ITGBL1: variants seen among roughly 807,000 people sequenced by gnomAD.
The protein encoded by ITGBL1 is integrin subunit beta like 1.
Under a neutral mutation model 68.5 loss-of-function variants are expected in ITGBL1, and 51 were observed. That is an observed-to-expected ratio of 0.74 (90% confidence interval 0.59 to 0.94). ITGBL1 has a LOEUF of 0.94. ITGBL1 is among the 40% of genes least tolerant of loss of function. ITGBL1 has a pLI of 0.00. For synonymous variants in ITGBL1, 209 were observed against 227.3 expected, an observed-to-expected ratio of 0.92 and a Z score of 0.72; for missense variants, 649 against 647.4, an observed-to-expected ratio of 1.00 and a Z score of -0.03.
intron 2 of ITGBL1, among the ~76,000 whole-genome samples, chr13:101,467,999 A>G (rs918285393): frequency 6.6e-6 from 1 of 152,222 alleles, no homozygotes; most frequent in Non-Finnish European, 1.5e-5. Flanking sequence ...CCAAAATCAG[A>G]AAATGAAAAC....
chr13:101,479,587 A>T (rs1013576901), intron 2 of ITGBL1, among the ~76,000 whole-genome samples: 1 of 151,622 alleles, frequency 6.6e-6, no homozygotes, highest in Non-Finnish European at 1.5e-5. Flanking sequence ...TCAAGAATAT[A>T]TAAGAAGCCC....
At chr13:101,655,634 T>C (rs1436155332) in intron 7 of ITGBL1, among the ~76,000 whole-genome samples, 1 of 152,236 alleles carries the variant, frequency 6.6e-6, no homozygotes, top group South Asian at 2.1e-4. Flanking sequence ...ATGCTAGATC[T>C]TATCTCTTGA....
At chr13:101,671,437 G>GTTTTTTTTTTTTTTT (rs1491455482) in intron 7 of ITGBL1, among the ~76,000 whole-genome samples, 48 of 102,836 alleles carry the variant, frequency 4.7e-4, no homozygotes, top group Non-Finnish European at 6.2e-4. Context: ...TTTTTTTTTT[G>GTTTTTTTTTTTTTTT]TTTTTTTTTG....
intron 5 of ITGBL1, among the ~76,000 whole-genome samples, chr13:101,580,995 G>T (rs1407232874): frequency 6.6e-6 from 1 of 151,318 alleles, no homozygotes; most frequent in Non-Finnish European, 1.5e-5. Context: ...GGCAGAAGTG[G>T]GCGCTGAGAT....
At chr13:101,622,130 G>T (rs561785991) in intron 7 of ITGBL1, among the ~76,000 whole-genome samples, 3 of 152,140 alleles carry the variant, frequency 2.0e-5, no homozygotes, top group Non-Finnish European at 2.9e-5. Context: ...CCATCTATGT[G>T]ATTAAACTTT....
At chr13:101,668,745 A>G (rs1202912649) in intron 7 of ITGBL1, among the ~76,000 whole-genome samples, 1 of 152,212 alleles carries the variant, frequency 6.6e-6, no homozygotes, top group East Asian at 1.9e-4. Context: ...AAATTATGTT[A>G]TTTTGAATTA....
rs145068688 is a variant in ITGBL1 at position 101,702,917 on chromosome 13, A to C, written c.1133-3839A>C. On this transcript the variant is annotated intron_variant, in intron 8 of 10. Transcript: ENST00000376180. ...TTATTCATTGAGTAGATAGGGGCGT[A>C]GGGGTGCCAGTTTTCTAACTTGGCT... is the stretch of plus-strand genomic sequence containing the variant. Among the ~76,000 whole-genome samples the C allele has an allele frequency of 3.9e-3, 588 of 152,314 alleles. 2 individuals are homozygous for C. The highest frequency in any genetic ancestry group is 0.017 in the Middle Eastern group (5 of 294).
rs1460769741 is a variant in ITGBL1, at chr13:101,491,915, GAA to G, written c.316+37816_316+37817del. ...TTCTGTTCCTGGGTTAGTTTGCTGA[GAA>G]TGGTGGTTTCCACCTTCATCCATGT... On this transcript the variant is annotated intron_variant, in intron 2 of 10. Coordinates refer to ENST00000376180, the MANE Select transcript of ITGBL1 (RefSeq NM_004791.3). Among the ~76,000 whole-genome samples the G allele has an allele frequency of 2.6e-5, 4 of 152,222 alleles. No individual in the cohort carries two copies. In the South Asian group the frequency reaches 8.3e-4, roughly 32 times the overall value.
chr13:101,594,506 A>G (rs573507268), intron 6 of ITGBL1, among the ~76,000 whole-genome samples: 4 of 151,578 alleles, frequency 2.6e-5, no homozygotes, highest in African/African-American at 9.8e-5. Flanking sequence ...GAAAAGCTCC[A>G]TGCCATTGGT....
At chr13:101,566,278 T>C (rs2050181925) in intron 2 of ITGBL1, among the ~76,000 whole-genome samples, 1 of 152,132 alleles carries the variant, frequency 6.6e-6, no homozygotes, top group Non-Finnish European at 1.5e-5. Context: ...CAAAGAGCCT[T>C]AACCACTGCA....
At chr13:101,640,611 A>G (rs1360753690) in intron 7 of ITGBL1, among the ~76,000 whole-genome samples, 5 of 152,038 alleles carry the variant, frequency 3.3e-5, no homozygotes, top group Admixed American at 2.6e-4. Flanking sequence ...ATTTGCATTT[A>G]TTTTATTTTA....
chr13:101,675,579 A>T (rs546155929), intron 7 of ITGBL1, among the ~76,000 whole-genome samples: 7 of 152,198 alleles, frequency 4.6e-5, no homozygotes, highest in Non-Finnish European at 8.8e-5. Flanking sequence ...CACCAAGATT[A>T]GGGTCACCTT....
chr13:101,706,963 G>A, intron 9 of ITGBL1, 61 bp downstream of exon 9: 1 of 1,537,398 alleles, frequency 6.5e-7, no homozygotes, highest in East Asian at 2.3e-5. Context: ...TTGTAGAACA[G>A]CATGTAGCAA....
In ITGBL1 at chr13:101,657,958, T is replaced by C. The variant is rs75919697; in HGVS notation, c.1016-34627T>C. 5.7e-4 allele frequency among the ~76,000 whole-genome samples: 87 copies of C among 152,322 alleles called. No individual in the cohort carries two copies. In the East Asian group the frequency reaches 0.016, roughly 28 times the overall value. On this transcript the variant is annotated intron_variant, in intron 7 of 10. Transcript: ENST00000376180. The stretch of plus-strand genomic sequence containing the variant: ...ATTTGAGAGAGTTCATGAGCAATTT[T>C]AAAAGACTTCTGTAGGAAGATAGAT...
intron 10 of ITGBL1, 149 bp from the exon 11 acceptor site, chr13:101,715,414 A>C (rs1201592426): frequency 1.5e-6 from 1 of 660,858 alleles, no homozygotes; most frequent in Admixed American, 2.5e-5. Context: ...CTGCTTAATA[A>C]GATGTAATAA....
At chr13:101,562,089 C>G (rs9518446) in intron 2 of ITGBL1, among the ~76,000 whole-genome samples, 20,180 of 152,026 alleles carry the variant, frequency 0.13, 1,971 homozygotes, top group African/African-American at 0.27. Flanking sequence ...TTAACTCTTA[C>G]AGTTTTAACT....
At chr13:101,478,280 T>C (rs971912896) in intron 2 of ITGBL1, among the ~76,000 whole-genome samples, 1 of 151,810 alleles carries the variant, frequency 6.6e-6, no homozygotes. Context: ...GATAAGTCAC[T>C]ATTACTTCAT....
chr13:101,508,350 G>A (rs930294901), intron 2 of ITGBL1, among the ~76,000 whole-genome samples: 1 of 152,100 alleles, frequency 6.6e-6, no homozygotes, highest in Non-Finnish European at 1.5e-5. Context: ...TGCATGATGA[G>A]CATCTTTACA....
chr13:101,634,929 A>G (rs539412695), intron 7 of ITGBL1, among the ~76,000 whole-genome samples: 1 of 148,632 alleles, frequency 6.7e-6, no homozygotes, highest in Non-Finnish European at 1.5e-5. Context: ...TATACTTTCA[A>G]TATAAGCAAA....
Sources: gnomAD v4.1 joint callset for allele counts (sites outside exome capture counted in the v4.1 genomes callset) on GRCh38, gnomAD v4.1.1 for gene constraint, MANE v1.5 for transcripts, NCBI Gene and HGNC (gene_info 2026-07-23, HGNC 2026-07-21) for gene names.